NECAB1: variants seen among roughly 807,000 people sequenced by gnomAD.
NECAB1 encodes N-terminal EF-hand calcium binding protein 1.
NECAB1 carries 29 observed loss-of-function variants against 57.5 expected under a neutral mutation model. The ratio of observed to expected loss-of-function variants is 0.50; its 90% CI spans 0.38 to 0.69. The LOEUF is 0.69. Among genes scored for constraint, NECAB1 ranks in the 30% least tolerant of loss-of-function variants. The probability of loss-of-function intolerance (pLI) is 0.00; values close to 1 mark genes in which losing one functional copy is unlikely to be tolerated. For synonymous variants in NECAB1, 142 were observed against 147.7 expected, an observed-to-expected ratio of 0.96 and a Z score of 0.28; for missense variants, 372 against 413.8, an observed-to-expected ratio of 0.90 and a Z score of 0.88.
chr8:90,900,188 A>T (rs569005613), intron 5 of NECAB1, among the ~76,000 whole-genome samples: 125 of 152,300 alleles, frequency 8.2e-4, no homozygotes, highest in Non-Finnish European at 1.4e-3. Flanking sequence ...TAGTCTTTAT[A>T]TACCAATATG....
At chr8:90,854,572 T>C (rs1812756860) in intron 3 of NECAB1, among the ~76,000 whole-genome samples, 1 of 152,226 alleles carries the variant, frequency 6.6e-6, no homozygotes, top group South Asian at 2.1e-4. Context: ...GAGACTTCAA[T>C]ATGTACTCCT....
At chr8:90,949,721 G>C in intron 10 of NECAB1, 86 bp from the exon 11 acceptor site, 1 of 644,650 alleles carries the variant, frequency 1.6e-6, no homozygotes, top group Non-Finnish European at 2.6e-6. Flanking sequence ...GGATAAGATT[G>C]TTTCATACTA....
chr8:90,864,675 C>A (rs1001635749), intron 3 of NECAB1, among the ~76,000 whole-genome samples: 1 of 152,020 alleles, frequency 6.6e-6, no homozygotes, highest in African/African-American at 2.4e-5. Flanking sequence ...TTTATGCTGT[C>A]CCACTCCTTC....
At chr8:90,889,786 T>C (rs1345079916) in intron 5 of NECAB1, among the ~76,000 whole-genome samples, 1 of 152,238 alleles carries the variant, frequency 6.6e-6, no homozygotes, top group East Asian at 1.9e-4. Flanking sequence ...GGCTCACGCC[T>C]GTAATCCCAG....
rs1437453053 is a variant in NECAB1 at position 90,872,740 on chromosome 8, A to G, written c.259+587A>G. ...TAAAATTTTAAAATTTTATTATTTT[A>G]TGAAAAAATAGAACATTATGAGACT... On this transcript the variant is annotated intron_variant, in intron 4 of 12. Coordinates refer to ENST00000417640, the MANE Select transcript of NECAB1 (RefSeq NM_022351.5). 2.0e-5 allele frequency among the ~76,000 whole-genome samples: 3 copies of G among 152,338 alleles called. No homozygotes were observed. The East Asian group carries it at 5.8e-4, about 29-fold the overall frequency.
chr8:90,940,804 C>A lies in NECAB1; in HGVS notation c.766C>A (p.Arg256=). 1 of 1,561,256 alleles carries A rather than the reference C, an allele frequency of 6.4e-7. No individual in the cohort carries two copies. ...NTKSHIMLVQ[R]QMSVIEEDLE... is the part of the protein sequence containing the mutation. ...TTGGCAGCACATCATGCTTGTGCAG[C>A]GGCAGATGTCTGTGATAGAAGAGGA... Residue 256 remains arginine (R), a synonymous_variant, in exon 10 of 13, where the codon CGG becomes AGG. Coordinates refer to ENST00000417640, the MANE Select transcript of NECAB1 (RefSeq NM_022351.5).
intron 3 of NECAB1, among the ~76,000 whole-genome samples, chr8:90,829,844 G>T (rs1012280831): frequency 6.6e-6 from 1 of 151,914 alleles, no homozygotes; most frequent in Non-Finnish European, 1.5e-5. Context: ...GCTCTGTAGG[G>T]CCGTTCAGAA....
rs557325445 is a variant in NECAB1, at chr8:90,941,080, T to TTAATCTTTAAACCCCGTGTCGTC, written c.860+207_860+229dup. Among the ~76,000 whole-genome samples the TTAATCTTTAAACCCCGTGTCGTC allele has an allele frequency of 1.4e-4, 22 of 152,320 alleles. No individual in the cohort carries two copies. The East Asian group carries it at 3.1e-3, about 21-fold the overall frequency. On this transcript the variant is annotated intron_variant, in intron 10 of 12. Coordinates refer to ENST00000417640, the MANE Select transcript of NECAB1 (RefSeq NM_022351.5). Reference sequence around the variant, plus strand: ...CTGCCTTTAACTGAATGTTTTCTCTTTAATCTTTAAACCCCGTGTCGTCTA... The same window carrying TTAATCTTTAAACCCCGTGTCGTC: ...CTGCCTTTAACTGAATGTTTTCTCTTTAATCTTTAAACCCCGTGTCGTCTAATCTTTAAACCCCGTGTCGTCTA...
chr8:90,887,801 A>G (rs1809043225), intron 5 of NECAB1, among the ~76,000 whole-genome samples: 1 of 152,234 alleles, frequency 6.6e-6, no homozygotes, highest in African/African-American at 2.4e-5. Flanking sequence ...TGGAGGGGTC[A>G]GGTCATGCTG....
chr8:90,887,276 T>C (rs560447533), intron 5 of NECAB1, among the ~76,000 whole-genome samples: 2 of 152,322 alleles, frequency 1.3e-5, no homozygotes, highest in South Asian at 4.1e-4. Context: ...TTTGAAGCTA[T>C]GCTTTACACC....
At chr8:90,818,006 A>G (rs935812760) in intron 2 of NECAB1, among the ~76,000 whole-genome samples, 1 of 151,734 alleles carries the variant, frequency 6.6e-6, no homozygotes, top group African/African-American at 2.4e-5. Context: ...GAGATTAACT[A>G]TTTCTCCTTG....
chr8:90,871,653 A>C (rs975743295), intron 3 of NECAB1, among the ~76,000 whole-genome samples: 1 of 152,146 alleles, frequency 6.6e-6, no homozygotes, highest in African/African-American at 2.4e-5. Context: ...ACATTCATCA[A>C]GTGCTTATTT....
chr8:90,861,221 A>T (rs1299907898), intron 3 of NECAB1, among the ~76,000 whole-genome samples: 1 of 152,148 alleles, frequency 6.6e-6, no homozygotes, highest in East Asian at 1.9e-4. Context: ...CCATCTTAGG[A>T]GGGCCAGCCA....
chr8:90,917,884 G>T (rs1424754954), intron 6 of NECAB1, among the ~76,000 whole-genome samples: 1 of 84,890 alleles, frequency 1.2e-5, no homozygotes, highest in African/African-American at 4.7e-5. Flanking sequence ...GTGTGTGTGC[G>T]TGTATATATA....
At chr8:90,823,889 C>T (rs1315129480) in intron 2 of NECAB1, among the ~76,000 whole-genome samples, 1 of 151,780 alleles carries the variant, frequency 6.6e-6, no homozygotes, top group Non-Finnish European at 1.5e-5. Context: ...ATTCGTTTCT[C>T]TAGGTTTGCT....
chr8:90,911,253 A>C (rs1809823023), intron 5 of NECAB1, among the ~76,000 whole-genome samples: 1 of 152,156 alleles, frequency 6.6e-6, no homozygotes, highest in African/African-American at 2.4e-5. Flanking sequence ...ATAAAGATAT[A>C]GGAGAGAAAG....
intron 9 of NECAB1, among the ~76,000 whole-genome samples, chr8:90,934,630 T>C (rs752997594): frequency 6.6e-6 from 1 of 152,150 alleles, no homozygotes; most frequent in African/African-American, 2.4e-5. Flanking sequence ...TGAAGGAATA[T>C]GACTGGCAGA....
intron 3 of NECAB1, among the ~76,000 whole-genome samples, chr8:90,839,722 C>T (rs1029787230): frequency 5.9e-5 from 9 of 152,176 alleles, no homozygotes; most frequent in Non-Finnish European, 2.9e-5. Context: ...GGGCATTCAG[C>T]ATGCGCAGAG....
chr8:90,818,910 T>A (rs1025297921), intron 2 of NECAB1, among the ~76,000 whole-genome samples: 3 of 152,050 alleles, frequency 2.0e-5, no homozygotes, highest in African/African-American at 4.8e-5. Flanking sequence ...TGGATTTTTT[T>A]AAATTCTCTT....
Sources: gnomAD v4.1 joint callset for allele counts (sites outside exome capture counted in the v4.1 genomes callset) on GRCh38, gnomAD v4.1.1 for gene constraint, MANE v1.5 for transcripts, NCBI Gene and HGNC (gene_info 2026-07-23, HGNC 2026-07-21) for gene names.